The following SLC24A3 variants were observed in gnomAD, a reference collection of about 807,000 sequenced individuals.
SLC24A3 encodes sodium/potassium/calcium exchanger 3.
A neutral mutation model predicts 75.8 loss-of-function variants in SLC24A3; 28 were observed. The observed-to-expected ratio is 0.37, with a 90% confidence interval of 0.27 to 0.51. The LOEUF (loss-of-function observed/expected upper bound fraction) is 0.51. Ranked by LOEUF, SLC24A3 falls within the 20% of genes least tolerant of loss-of-function variation. SLC24A3 has a pLI of 0.94. For missense variants in SLC24A3, 663 were observed against 847.8 expected (o/e 0.78, Z 2.71); for synonymous variants, 372 against 334.1 (o/e 1.11, Z -1.24).
At chr20:19,644,439 G>A (rs1424585210) in intron 6 of SLC24A3, among the ~76,000 whole-genome samples, 5 of 152,216 alleles carry the variant, frequency 3.3e-5, no homozygotes, top group Middle Eastern at 3.4e-3. Flanking sequence ...CCAGCTCCCC[G>A]GCGATGCTGA....
At chr20:19,526,883 G>C (rs530781848) in intron 3 of SLC24A3, among the ~76,000 whole-genome samples, 1 of 152,324 alleles carries the variant, frequency 6.6e-6, no homozygotes, top group South Asian at 2.1e-4. Context: ...GATGCTTTGA[G>C]CACAGCAGGG....
intron 1 of SLC24A3, among the ~76,000 whole-genome samples, chr20:19,237,273 G>T (rs945253313): frequency 9.9e-5 from 15 of 152,126 alleles, no homozygotes; most frequent in African/African-American, 3.4e-4. Flanking sequence ...GCAGGCGGGG[G>T]TCAGTGTCTG....
intron 2 of SLC24A3, among the ~76,000 whole-genome samples, chr20:19,418,454 G>A (rs1421015973): frequency 6.6e-6 from 1 of 151,874 alleles, no homozygotes; most frequent in Non-Finnish European, 1.5e-5. Flanking sequence ...ATGGAATAAA[G>A]TAGGGGGAAA....
At chr20:19,669,388 G>C (rs1239714085) in intron 8 of SLC24A3, among the ~76,000 whole-genome samples, 4 of 152,168 alleles carry the variant, frequency 2.6e-5, no homozygotes, top group African/African-American at 9.6e-5. Flanking sequence ...TGTAGTCCCG[G>C]CTGCTCGGGA....
At chr20:19,678,411 G>T (rs1193210948) in intron 9 of SLC24A3, among the ~76,000 whole-genome samples, 1 of 135,298 alleles carries the variant, frequency 7.4e-6, no homozygotes, top group East Asian at 2.2e-4. Context: ...AGTAGGGACG[G>T]CCAGGCAGAG....
At chr20:19,472,625 G>A (rs1009351648) in intron 2 of SLC24A3, among the ~76,000 whole-genome samples, 16 of 152,172 alleles carry the variant, frequency 1.1e-4, no homozygotes, top group Admixed American at 6.5e-4. Flanking sequence ...CCAGACCTTC[G>A]TGGGAACTCT....
chr20:19,291,935 G>A lies in SLC24A3; in HGVS notation c.271+10848G>A, dbSNP rs939035180. ...CAGTGAAGCTTCTGTGACCTCAGTT[G>A]ATAAATGGGCACTCACAGTACCCAC... On this transcript the variant is annotated intron_variant, in intron 2 of 16. Transcript: ENST00000328041. Among the ~76,000 whole-genome samples the A allele has an allele frequency of 2.0e-5, 3 of 152,244 alleles. No individual in the cohort carries two copies. In the East Asian group the frequency reaches 5.8e-4, roughly 29 times the overall value.
chr20:19,238,077 T>C (rs974053842), intron 1 of SLC24A3, among the ~76,000 whole-genome samples: 12 of 152,172 alleles, frequency 7.9e-5, no homozygotes, highest in Admixed American at 6.5e-4. Flanking sequence ...TAAGTGTATA[T>C]AGCTTGATGA....
intron 6 of SLC24A3, 24 bp from the exon 7 acceptor site, chr20:19,654,038 G>A (rs1168333275): frequency 1.3e-6 from 2 of 1,594,428 alleles, no homozygotes; most frequent in Non-Finnish European, 8.6e-7. Context: ...TATCCTGTTT[G>A]ACTTTGTTTC....
At chr20:19,445,926 A>G (rs768500718) in intron 2 of SLC24A3, among the ~76,000 whole-genome samples, 8 of 152,218 alleles carry the variant, frequency 5.3e-5, no homozygotes, top group Non-Finnish European at 8.8e-5. Flanking sequence ...AAGTAAGAGC[A>G]CTATCCTTAC....
At chr20:19,663,425 C>T (rs1568689543) in intron 7 of SLC24A3, among the ~76,000 whole-genome samples, 8 of 97,814 alleles carry the variant, frequency 8.2e-5, no homozygotes, top group South Asian at 3.1e-4. Flanking sequence ...CCTCCTCCTC[C>T]TCCTCCTCCG....
intron 6 of SLC24A3, among the ~76,000 whole-genome samples, chr20:19,605,357 GC>G (rs1568670477): frequency 6.6e-6 from 1 of 151,912 alleles, no homozygotes; most frequent in East Asian, 1.9e-4. Flanking sequence ...ACATCTACTG[GC>G]TAGTCTGTTT....
chr20:19,528,622 A>G (rs1282734775), intron 3 of SLC24A3, among the ~76,000 whole-genome samples: 2 of 152,118 alleles, frequency 1.3e-5, no homozygotes, highest in Non-Finnish European at 2.9e-5. Context: ...CTGCTTGCCC[A>G]TGAGTGGATT....
intron 12 of SLC24A3, among the ~76,000 whole-genome samples, chr20:19,685,585 A>G (rs1031953414): frequency 2.0e-5 from 3 of 151,790 alleles, no homozygotes; most frequent in Admixed American, 1.3e-4. Flanking sequence ...TCTTTAACCA[A>G]CTCTGTTTTG....
At chr20:19,257,741 CCAAA>C (rs1982859271) in intron 1 of SLC24A3, 1 of 152,212 alleles carries the variant, frequency 6.6e-6, no homozygotes, top group South Asian at 2.1e-4. Context: ...CCAAATCCAA[CCAAA>C]CACCCTCCAA....
intron 2 of SLC24A3, among the ~76,000 whole-genome samples, chr20:19,299,393 A>G (rs1281270187): frequency 6.6e-6 from 1 of 152,150 alleles, no homozygotes; most frequent in Non-Finnish European, 1.5e-5. Context: ...GAATGAGAGG[A>G]AAAACATTTC....
chr20:19,573,650 G>C (rs2031087623), intron 3 of SLC24A3, among the ~76,000 whole-genome samples: 1 of 152,204 alleles, frequency 6.6e-6, no homozygotes, highest in Non-Finnish European at 1.5e-5. Context: ...TCAGCATGTT[G>C]GTGTGTATCC....
chr20:19,232,476 G>A (rs1982051785), intron 1 of SLC24A3, among the ~76,000 whole-genome samples: 1 of 152,096 alleles, frequency 6.6e-6, no homozygotes, highest in African/African-American at 2.4e-5. Context: ...AGTCTGGTTG[G>A]CATTCTGTTG....
intron 1 of SLC24A3, among the ~76,000 whole-genome samples, chr20:19,219,958 C>T (rs1981662181): frequency 6.6e-6 from 1 of 152,154 alleles, no homozygotes; most frequent in African/African-American, 2.4e-5. Context: ...CAAATGAAGC[C>T]TTGGCCATTT....
Sources: gnomAD v4.1 joint callset for allele counts (sites outside exome capture counted in the v4.1 genomes callset) on GRCh38, gnomAD v4.1.1 for gene constraint, MANE v1.5 for transcripts, NCBI Gene and HGNC (gene_info 2026-07-23, HGNC 2026-07-21) for gene names.